Variants in RASSF8 observed in about 807,000 individuals in gnomAD.
The protein encoded by RASSF8 is Ras association domain family member 8.
In RASSF8, 22 loss-of-function variants were observed where a neutral mutation model predicts 48.5. The ratio of observed to expected loss-of-function variants is 0.45; its 90% CI spans 0.32 to 0.65. RASSF8 has a LOEUF of 0.65. Ranked by LOEUF, RASSF8 falls within the 30% of genes least tolerant of loss-of-function variation. The pLI is 0.03. For missense variants in RASSF8, 418 were observed against 489.2 expected, an observed-to-expected ratio of 0.85 and a Z score of 1.37; for synonymous variants, 127 against 171.5, an observed-to-expected ratio of 0.74 and a Z score of 2.03.
chr12:25,986,971 C>T (rs988705029), intron 1 of RASSF8, among the ~76,000 whole-genome samples: 4 of 151,226 alleles, frequency 2.6e-5, no homozygotes, highest in East Asian at 1.9e-4. Context: ...GAGTTTCGCT[C>T]GTCGCCCAGG....
chr12:26,074,081 TGGG>T (rs1944048870), downstream of RASSF8, among the ~76,000 whole-genome samples: 1 of 152,110 alleles, frequency 6.6e-6, no homozygotes, highest in Non-Finnish European at 1.5e-5. Flanking sequence ...AGTCCTAGTT[TGGG>T]GGACTTTTAA....
At chr12:26,011,162 G>A (rs1305176959) in intron 2 of RASSF8, among the ~76,000 whole-genome samples, 2 of 152,124 alleles carry the variant, frequency 1.3e-5, no homozygotes, top group East Asian at 3.9e-4. Flanking sequence ...AATTCTCAAG[G>A]CATAAGTTTA....
At chr12:26,003,544 T>C (rs961122856) in intron 2 of RASSF8, among the ~76,000 whole-genome samples, 3 of 152,134 alleles carry the variant, frequency 2.0e-5, no homozygotes, top group African/African-American at 7.2e-5. Context: ...TTTAACTCTT[T>C]AATGAAATGG....
intron 1 of RASSF8, among the ~76,000 whole-genome samples, chr12:25,991,009 A>G (rs552797018): frequency 1.3e-5 from 2 of 152,208 alleles, no homozygotes; most frequent in African/African-American, 2.4e-5. Context: ...TAGCTGATCT[A>G]TAATACTTAA....
chr12:26,057,099 T>TG (rs1426972083), intron 3 of RASSF8, among the ~76,000 whole-genome samples: 2 of 67,786 alleles, frequency 3.0e-5, no homozygotes, highest in African/African-American at 1.0e-4. Flanking sequence ...TAATGACACT[T>TG]TTGTGTGTGT....
At chr12:25,981,321 A>G (rs1941738218) in intron 1 of RASSF8, among the ~76,000 whole-genome samples, 1 of 152,114 alleles carries the variant, frequency 6.6e-6, no homozygotes, top group South Asian at 2.1e-4. Flanking sequence ...CAGTTTATAT[A>G]GCATTTTCAC....
chr12:26,025,905 A>C, intron 2 of RASSF8, among the ~76,000 whole-genome samples: 1 of 152,140 alleles, frequency 6.6e-6, no homozygotes. Context: ...AAAAAAAAAG[A>C]CATCTCATGT....
At chr12:25,981,427 C>T (rs151319619) in intron 1 of RASSF8, among the ~76,000 whole-genome samples, 79 of 152,288 alleles carry the variant, frequency 5.2e-4, no homozygotes, top group African/African-American at 1.7e-3. Flanking sequence ...TTCCACCAGA[C>T]CTCAGAGGTT....
intron 2 of RASSF8, among the ~76,000 whole-genome samples, chr12:25,998,884 C>T (rs560556170): frequency 1.6e-3 from 240 of 152,008 alleles, no homozygotes; most frequent in African/African-American, 5.6e-3. Flanking sequence ...ATCAGTTTAC[C>T]GGGAAAATGT....
chr12:26,017,090 T>TA (rs1942669206), intron 2 of RASSF8, among the ~76,000 whole-genome samples: 1 of 152,120 alleles, frequency 6.6e-6, no homozygotes, highest in South Asian at 2.1e-4. Flanking sequence ...CATATGGGAA[T>TA]AAAAAGCTAT....
At chr12:26,019,874 T>C (rs1370648466) in intron 2 of RASSF8, among the ~76,000 whole-genome samples, 1 of 152,124 alleles carries the variant, frequency 6.6e-6, no homozygotes, top group African/African-American at 2.4e-5. Context: ...TTAATTTTTC[T>C]GGATATTGAT....
Position 26,071,920 on chromosome 12 carries a change from A to C in RASSF8, c.*3102A>C. 5 of 985,256 alleles carry C rather than the reference A, an allele frequency of 5.1e-6. No homozygotes were observed. Among genetic ancestry groups the C allele is most frequent in the Non-Finnish European group, 6.0e-6 (5 of 829,744 alleles). 61.0% of individuals were successfully genotyped at this position (985,256 alleles called of 1,614,324 possible). On this transcript the variant is annotated 3_prime_UTR_variant, in exon 6 of 6. Coordinates refer to ENST00000689635, the MANE Select transcript of RASSF8 (RefSeq NM_001394098.1). ...CATAAATGTAATTTACATCTGCATT[A>C]AAGGATAATTTTCTCTGTGAATAAG...
At chr12:26,074,673 C>T (rs1404131665), downstream of RASSF8, among the ~76,000 whole-genome samples, 2 of 152,066 alleles carry the variant, frequency 1.3e-5, no homozygotes, top group Non-Finnish European at 2.9e-5. Context: ...GAGATGACAA[C>T]TTCAGTACAA....
chr12:25,968,683 T>G (rs1194825031), intron 1 of RASSF8, among the ~76,000 whole-genome samples: 2 of 152,156 alleles, frequency 1.3e-5, no homozygotes, highest in Admixed American at 6.5e-5. Context: ...AAAGCCAAAC[T>G]GCATGCCCCT....
At chr12:25,974,958 T>A (rs1315976009) in intron 1 of RASSF8, among the ~76,000 whole-genome samples, 1 of 152,202 alleles carries the variant, frequency 6.6e-6, no homozygotes, top group African/African-American at 2.4e-5. Context: ...AGAACCAATC[T>A]TATCTTTGAG....
chr12:26,064,515 A>G lies in RASSF8; in HGVS notation c.121A>G (p.Thr41Ala). 1 of 1,573,666 alleles carries G rather than the reference A, an allele frequency of 6.4e-7. No individual in the cohort carries two copies. Among genetic ancestry groups the G allele is most frequent in the Non-Finnish European group, 8.6e-7 (1 of 1,157,464 alleles). ...AQAIGRTGRY[T>A]LIEKWRDTER... The stretch of plus-strand genomic sequence containing the variant: ...TTACATAGGTCGAACTGGAAGGTAC[A>G]CCCTTATAGAGAAATGGAGAGATAC... Residue 41 changes from threonine (T) to alanine (A), a missense_variant, in exon 4 of 6, where the codon ACC (threonine) becomes GCC (alanine). Thr to Ala is a moderately conservative substitution (Grantham distance 58). Coordinates refer to ENST00000689635, the MANE Select transcript of RASSF8 (RefSeq NM_001394098.1).
intron 3 of RASSF8, among the ~76,000 whole-genome samples, chr12:26,063,101 T>C (rs941373389): frequency 6.6e-6 from 1 of 152,228 alleles, no homozygotes; most frequent in Non-Finnish European, 1.5e-5. Flanking sequence ...AATACTACTA[T>C]TGGCTCAGAA....
At chr12:26,016,756 T>G (rs1213716621) in intron 2 of RASSF8, among the ~76,000 whole-genome samples, 2 of 152,224 alleles carry the variant, frequency 1.3e-5, no homozygotes, top group Non-Finnish European at 2.9e-5. Context: ...CCTCTTTTTC[T>G]TGCCTAATGT....
rs1325989965 is a variant in RASSF8, at chr12:26,058,521, C to T, written c.103+3075C>T. On this transcript the variant is annotated intron_variant, in intron 3 of 5. Coordinates refer to ENST00000689635, the MANE Select transcript of RASSF8 (RefSeq NM_001394098.1). ...CTTTGCCTCATGGGGGCACTACACACATGCGCACGCGCGCGCGCACACACA... is the reference window on the plus strand; with the variant it reads ...CTTTGCCTCATGGGGGCACTACACATATGCGCACGCGCGCGCGCACACACA... 6.9e-5 allele frequency among the ~76,000 whole-genome samples: 8 copies of T among 115,902 alleles called. No individual in the cohort carries two copies. The Admixed American group carries it at 7.2e-4, about 10-fold the overall frequency. The allele number at this position is 115,902 out of a possible 152,430, so 76.0% of individuals were successfully genotyped here. A position where few individuals can be genotyped will look rare whatever the true frequency, so the allele number is the denominator to read the frequency against.
Sources: gnomAD v4.1 joint callset for allele counts (sites outside exome capture counted in the v4.1 genomes callset) on GRCh38, gnomAD v4.1.1 for gene constraint, MANE v1.5 for transcripts, NCBI Gene and HGNC (gene_info 2026-07-23, HGNC 2026-07-21) for gene names.